TMEM132C: variants seen among roughly 807,000 people sequenced by gnomAD.
TMEM132C encodes the protein protein phosphatase 1, regulatory subunit 152.
Under a neutral mutation model 61.4 loss-of-function variants are expected in TMEM132C, and 29 were observed. The ratio of observed to expected loss-of-function variants is 0.47; its 90% CI spans 0.35 to 0.64. The LOEUF (loss-of-function observed/expected upper bound fraction) is 0.64. TMEM132C is among the 30% of genes least tolerant of loss of function. TMEM132C has a pLI of 0.00. For synonymous variants in TMEM132C, 656 were observed against 633.1 expected (o/e 1.04, Z -0.54); for missense variants, 1,408 against 1,476.9 (o/e 0.95, Z 0.76).
chr12:128,557,983 G>C (rs77745264), intron 3 of TMEM132C, among the ~76,000 whole-genome samples: 1 of 152,192 alleles, frequency 6.6e-6, no homozygotes, highest in African/African-American at 2.4e-5. Context: ...GCTCTTCTGC[G>C]TGGAAGTCGC....
chr12:128,422,702 G>A (rs907208165), intron 2 of TMEM132C, among the ~76,000 whole-genome samples: 4 of 152,170 alleles, frequency 2.6e-5, no homozygotes, highest in South Asian at 2.1e-4. Context: ...TATCATCAGC[G>A]TTTGGGGCCA....
intron 1 of TMEM132C, among the ~76,000 whole-genome samples, chr12:128,361,416 G>C (rs1036202990): frequency 6.6e-6 from 1 of 152,086 alleles, no homozygotes; most frequent in Non-Finnish European, 1.5e-5. Flanking sequence ...TCAAATTTGC[G>C]GGCACCAACG....
intron 3 of TMEM132C, among the ~76,000 whole-genome samples, chr12:128,546,017 T>C (rs759495244): frequency 6.6e-4 from 100 of 152,320 alleles, no homozygotes; most frequent in Admixed American, 1.9e-3. Context: ...AACCACGCTG[T>C]TCTTTTGCCC....
In TMEM132C at chr12:128,697,320, G is replaced by T; in HGVS notation, c.2026G>T (p.Ala676Ser). ...GACAGACTTGGCCATCCAGCTCGTG[G>T]CTGGGCTGTCTGTCGCCCTTTACCC... ...SVTDLAIQLV[A>S]GLSVALYPNA... is the part of the protein sequence containing the mutation. The change falls in exon 8 of 9, where the codon GCT (alanine) becomes TCT (serine). Residue 676 changes from alanine to serine, a missense_variant. Coordinates refer to ENST00000435159, the MANE Select transcript of TMEM132C (RefSeq NM_001136103.3). 1 of 1,551,344 alleles carries T rather than the reference G, an allele frequency of 6.4e-7. No homozygotes were observed. The highest frequency in any genetic ancestry group is 1.2e-5 in the South Asian group (1 of 84,006).
chr12:128,491,632 G>T (rs7300616), intron 2 of TMEM132C, among the ~76,000 whole-genome samples: 62,354 of 151,926 alleles, frequency 0.41, 13,188 homozygotes, highest in East Asian at 0.57. Flanking sequence ...TGTCCCTGAT[G>T]TGCTGACACT....
At chr12:128,640,907 A>G (rs1017642793) in intron 4 of TMEM132C, among the ~76,000 whole-genome samples, 6 of 152,164 alleles carry the variant, frequency 3.9e-5, no homozygotes, top group African/African-American at 1.2e-4. Context: ...GCACACACAC[A>G]CAGTGAGTGG....
intron 2 of TMEM132C, among the ~76,000 whole-genome samples, chr12:128,421,983 A>G (rs188294511): frequency 1.3e-5 from 2 of 152,358 alleles, no homozygotes; most frequent in African/African-American, 4.8e-5. Flanking sequence ...AATGCCTAAT[A>G]TCAAACCTAT....
intron 4 of TMEM132C, among the ~76,000 whole-genome samples, 176 bp from the exon 5 acceptor site, chr12:128,669,241 G>T (rs1954506179): frequency 6.6e-6 from 1 of 152,182 alleles, no homozygotes; most frequent in Non-Finnish European, 1.5e-5. Flanking sequence ...TTGGTAAATT[G>T]TTCCAAAGAA....
intron 1 of TMEM132C, among the ~76,000 whole-genome samples, chr12:128,329,648 G>A (rs771362610): frequency 6.6e-6 from 1 of 152,064 alleles, no homozygotes; most frequent in Non-Finnish European, 1.5e-5. Context: ...GATGGTATGC[G>A]GAGGTCTGGC....
intron 2 of TMEM132C, among the ~76,000 whole-genome samples, chr12:128,538,324 A>G (rs1241488075): frequency 6.6e-6 from 1 of 152,112 alleles, no homozygotes; most frequent in Non-Finnish European, 1.5e-5. Context: ...GGGTTTCACC[A>G]TGTTGGCCAG....
chr12:128,536,552 G>A (rs976269760), intron 2 of TMEM132C, among the ~76,000 whole-genome samples: 1 of 152,180 alleles, frequency 6.6e-6, no homozygotes, highest in African/African-American at 2.4e-5. Context: ...GAAGGTGGCT[G>A]TGTGGCTGGC....
chr12:128,617,815 G>T (rs1000558849), intron 4 of TMEM132C, among the ~76,000 whole-genome samples: 2 of 152,170 alleles, frequency 1.3e-5, no homozygotes, highest in East Asian at 1.9e-4. Context: ...CAAAATAGCA[G>T]ATGTGCACCC....
intron 2 of TMEM132C, among the ~76,000 whole-genome samples, chr12:128,473,732 T>C (rs1375198444): frequency 1.3e-5 from 2 of 152,068 alleles, no homozygotes; most frequent in African/African-American, 4.8e-5. Flanking sequence ...GTTTTCGTCT[T>C]CACTTCAGCC....
rs573476698 is a variant in TMEM132C, at chr12:128,472,024, G to C, written c.974+56404G>C. Among the ~76,000 whole-genome samples, 17 of 152,242 alleles carry C rather than the reference G, an allele frequency of 1.1e-4. No homozygotes were observed. In the East Asian group the frequency reaches 2.1e-3, roughly 19 times the overall value. On this transcript the variant is annotated intron_variant, in intron 2 of 8. Transcript: ENST00000435159. ...GGCTGTAGTCTGGGGGTAGTTTAGGGTTACGCAGATGAAATAACCACTCCT... is the reference window on the plus strand; with the variant it reads ...GGCTGTAGTCTGGGGGTAGTTTAGGCTTACGCAGATGAAATAACCACTCCT...
chr12:128,645,989 T>C (rs1031659768), intron 4 of TMEM132C, among the ~76,000 whole-genome samples: 1 of 151,934 alleles, frequency 6.6e-6, no homozygotes, highest in Non-Finnish European at 1.5e-5. Flanking sequence ...GTGTGTTTAC[T>C]GGAGTCCATC....
intron 1 of TMEM132C, among the ~76,000 whole-genome samples, chr12:128,330,195 A>G (rs929725228): frequency 9.9e-5 from 15 of 152,132 alleles, no homozygotes; most frequent in Non-Finnish European, 1.5e-4. Flanking sequence ...TATGCACGTG[A>G]TATTTGAACA....
At position 128,402,436 on chromosome 12, in the gene TMEM132C, C is replaced by T. The variant is rs145024747; in HGVS notation, c.86-12296C>T. On this transcript the variant is annotated intron_variant, in intron 1 of 8. Coordinates refer to ENST00000435159, the MANE Select transcript of TMEM132C (RefSeq NM_001136103.3). ...GTTAGGCCCCAGTGTGTGTTGTTTC[C>T]CTAGTGACACTTTGATTTTAGACTT... is the stretch of plus-strand genomic sequence containing the variant. 2.5e-4 allele frequency among the ~76,000 whole-genome samples: 38 copies of T among 152,240 alleles called. No individual in the cohort carries two copies. In the East Asian group the frequency reaches 7.0e-3, roughly 28 times the overall value.
intron 2 of TMEM132C, among the ~76,000 whole-genome samples, chr12:128,489,562 C>CATATTTATATATAT (rs1555227211): frequency 5.8e-5 from 8 of 138,362 alleles, no homozygotes; most frequent in African/African-American, 2.1e-4. Flanking sequence ...TTTATATGCT[C>CATATTTATATATAT]ATATATATAT....
At chr12:128,422,025 T>G (rs1196921712) in intron 2 of TMEM132C, among the ~76,000 whole-genome samples, 1 of 152,356 alleles carries the variant, frequency 6.6e-6, no homozygotes, top group South Asian at 2.1e-4. Flanking sequence ...GGATGTTTTC[T>G]TTCATAATTA....
Sources: allele counts gnomAD v4.1 joint callset (sites outside exome capture counted in the v4.1 genomes callset), GRCh38; gene constraint gnomAD v4.1.1; transcripts MANE v1.5; gene names NCBI Gene and HGNC (gene_info 2026-07-23, HGNC 2026-07-21).